Variants in SKAP2 observed in about 807,000 individuals in gnomAD.
SKAP2 encodes src kinase-associated phosphoprotein 2.
SKAP2 carries 28 observed loss-of-function variants against 54.9 expected under a neutral mutation model. The observed-to-expected ratio is 0.51, with a 90% CI of 0.38 to 0.70. SKAP2 has a LOEUF of 0.70. SKAP2 is among the 30% of genes least tolerant of loss of function. The pLI, the probability that SKAP2 is intolerant of heterozygous loss-of-function variation, is 0.00. For synonymous variants in SKAP2, 137 were observed against 134.3 expected, an observed-to-expected ratio of 1.02 and a Z score of -0.14; for missense variants, 356 against 424.1, an observed-to-expected ratio of 0.84 and a Z score of 1.41.
At chr7:26,660,833 A>G in the SKAP2 span, among the ~76,000 whole-genome samples, 171 of 152,186 alleles carry the variant, frequency 1.1e-3, no homozygotes, top group African/African-American at 3.7e-3. Context: ...CAAAATAATC[A>G]AGGAATCACA....
At chr7:26,770,386 T>C (rs761589842) in intron 4 of SKAP2, among the ~76,000 whole-genome samples, 1 of 152,172 alleles carries the variant, frequency 6.6e-6, no homozygotes, top group Non-Finnish European at 1.5e-5. Context: ...CTTAGCTTGC[T>C]GGGCTCTGTG....
intron 11 of SKAP2, among the ~76,000 whole-genome samples, chr7:26,682,375 A>G (rs1382666462): frequency 6.6e-6 from 1 of 152,170 alleles, no homozygotes; most frequent in Non-Finnish European, 1.5e-5. Flanking sequence ...CAGCCAAGAC[A>G]CCCATCAATA....
At chr7:26,682,145 T>TA (rs1422564361) in intron 11 of SKAP2, among the ~76,000 whole-genome samples, 1 of 152,240 alleles carries the variant, frequency 6.6e-6, no homozygotes, top group Non-Finnish European at 1.5e-5. Context: ...TTTGTAATAA[T>TA]ATCAAGCATT....
intron 4 of SKAP2, among the ~76,000 whole-genome samples, chr7:26,815,414 A>G (rs1784245234): frequency 6.6e-6 from 1 of 152,148 alleles, no homozygotes; most frequent in Non-Finnish European, 1.5e-5. Context: ...TTCACAATAA[A>G]ATCCTGCCAT....
At chr7:26,752,648 C>G (rs1030193398) in intron 4 of SKAP2, among the ~76,000 whole-genome samples, 2 of 152,186 alleles carry the variant, frequency 1.3e-5, no homozygotes, top group South Asian at 4.1e-4. Flanking sequence ...GGTAACACAA[C>G]TCTTTTTATG....
intron 9 of SKAP2, among the ~76,000 whole-genome samples, chr7:26,693,332 CAAAAAAAAA>C (rs34775523): frequency 5.0e-5 from 4 of 79,892 alleles, no homozygotes; most frequent in Non-Finnish European, 7.8e-5. Context: ...AGCTCCATCT[CAAAAAAAAA>C]AAAAAAAAAA....
chr7:26,725,680 T>C (rs1787690533), intron 8 of SKAP2, 115 bp from the exon 9 acceptor site: 5 of 1,053,278 alleles, frequency 4.7e-6, no homozygotes, highest in Non-Finnish European at 6.7e-6. Flanking sequence ...TTATATGTTA[T>C]GTCCTTAACT....
intron 4 of SKAP2, among the ~76,000 whole-genome samples, chr7:26,754,027 T>C (rs1383011833): frequency 6.6e-6 from 1 of 152,036 alleles, no homozygotes; most frequent in Non-Finnish European, 1.5e-5. Flanking sequence ...ACAGAACGTA[T>C]AATATAAAAA....
chr7:26,660,011 T>C, the SKAP2 span, among the ~76,000 whole-genome samples: 1 of 152,096 alleles, frequency 6.6e-6, no homozygotes, highest in Non-Finnish European at 1.5e-5. Context: ...ATGGTAATTG[T>C]TTTAGATGAG....
At chr7:26,739,798 A>G in intron 5 of SKAP2, 89 bp downstream of exon 5, 1 of 904,604 alleles carries the variant, frequency 1.1e-6, no homozygotes, top group South Asian at 1.6e-5. Context: ...ATCACCTAAA[A>G]CGAATACTGC....
At chr7:26,770,411 T>C (rs1490479067) in intron 4 of SKAP2, among the ~76,000 whole-genome samples, 2 of 152,168 alleles carry the variant, frequency 1.3e-5, no homozygotes, top group African/African-American at 4.8e-5. Flanking sequence ...TGGGATCTGC[T>C]GAGCAAGACT....
At chr7:26,720,785 T>C (rs905560494) in intron 9 of SKAP2, among the ~76,000 whole-genome samples, 1 of 152,110 alleles carries the variant, frequency 6.6e-6, no homozygotes, top group African/African-American at 2.4e-5. Flanking sequence ...GAGAACTCAC[T>C]CACTATCACG....
intron 4 of SKAP2, among the ~76,000 whole-genome samples, chr7:26,811,081 T>C (rs1210703151): frequency 1.3e-5 from 2 of 152,174 alleles, no homozygotes; most frequent in African/African-American, 4.8e-5. Context: ...GTCTCAGAGC[T>C]TTCATCTCTT....
chr7:26,815,340 T>C (rs981065691), intron 4 of SKAP2, among the ~76,000 whole-genome samples: 1 of 152,128 alleles, frequency 6.6e-6, no homozygotes, highest in Admixed American at 6.6e-5. Context: ...CAGAATACAA[T>C]ACAGAGAATA....
At chr7:26,842,602 GTCTC>G (rs995666871) in intron 4 of SKAP2, among the ~76,000 whole-genome samples, 8 of 151,682 alleles carry the variant, frequency 5.3e-5, no homozygotes, top group Admixed American at 3.9e-4. Context: ...TTCTCCGTAT[GTCTC>G]TCTTAGTATA....
At chr7:26,677,185 G>C (rs999656498) in intron 11 of SKAP2, among the ~76,000 whole-genome samples, 1 of 152,098 alleles carries the variant, frequency 6.6e-6, no homozygotes, top group African/African-American at 2.4e-5. Context: ...GAAGTCAGGA[G>C]TTCAAGACCA....
chr7:26,770,049 C>T (rs1222146861), intron 4 of SKAP2, among the ~76,000 whole-genome samples: 1 of 151,140 alleles, frequency 6.6e-6, no homozygotes, highest in African/African-American at 2.5e-5. Flanking sequence ...AAGCTGTGCC[C>T]ACAGCCACCC....
At chr7:26,706,577 A>AT (rs1303891450) in intron 9 of SKAP2, among the ~76,000 whole-genome samples, 1 of 152,164 alleles carries the variant, frequency 6.6e-6, no homozygotes, top group Non-Finnish European at 1.5e-5. Flanking sequence ...ACTTCATGTG[A>AT]TTTTTCCTGT....
chr7:26,843,993 TGTGA>T (rs1323473256), intron 4 of SKAP2, 33 bp downstream of exon 4: 1 of 1,246,864 alleles, frequency 8.0e-7, no homozygotes, highest in Non-Finnish European at 1.2e-6. Flanking sequence ...CATTGTTTTG[TGTGA>T]GTGTCAGAGT....
Sources: gnomAD v4.1 joint callset for allele counts (sites outside exome capture counted in the v4.1 genomes callset) on GRCh38, gnomAD v4.1.1 for gene constraint, MANE v1.5 for transcripts, NCBI Gene and HGNC (gene_info 2026-07-23, HGNC 2026-07-21) for gene names.